KCTD6: variants seen among roughly 807,000 people sequenced by gnomAD.
KCTD6 encodes BTB/POZ domain-containing protein KCTD6.
KCTD6 carries 6 observed loss-of-function variants against 18.7 expected under a neutral mutation model. The observed-to-expected ratio is 0.32, with a 90% CI of 0.18 to 0.63. The LOEUF (loss-of-function observed/expected upper bound fraction) is 0.63, where lower values mean the gene tolerates loss of function less well. Ranked by LOEUF, KCTD6 falls within the 30% of genes least tolerant of loss-of-function variation. KCTD6 has a pLI of 0.79. For missense variants in KCTD6, 165 were observed against 300.2 expected (o/e 0.55, Z 3.33); for synonymous variants, 86 against 108.5 (o/e 0.79, Z 1.29).
rs1402584696 is a variant in KCTD6 at position 58,501,521 on chromosome 3, A to G, written c.603A>G (p.Gln201=). 2.0e-6 allele frequency: 3 copies of G among 1,495,942 alleles called. No individual in the cohort carries two copies. Among genetic ancestry groups the G allele is most frequent in the Non-Finnish European group, 1.8e-6 (2 of 1,125,150 alleles). 92.7% of individuals were successfully genotyped at this position (1,495,942 alleles called of 1,614,324 possible). A position where few individuals can be genotyped will look rare whatever the true frequency, so the allele number is the denominator to read the frequency against. Residue 201 remains glutamine, a synonymous_variant, in exon 3 of 3, where the codon CAA becomes CAG. Transcript: ENST00000404589. This position sits in a 1 kb window ranked among gnomAD's most constrained non-coding sequence, Gnocchi z 9.7. ...RVHLMEYITK[Q]GFTIRNTRVH... ...ACCTGATGGAATACATTACAAAACA[A>G]GGTTTCACGATCCGCAACACCCGGG... is the stretch of plus-strand genomic sequence containing the variant.
At chr3:58,499,507 A>G (rs1040053105) in intron 2 of KCTD6, among the ~76,000 whole-genome samples, 4 of 144,512 alleles carry the variant, frequency 2.8e-5, no homozygotes, top group African/African-American at 1.0e-4. Flanking sequence ...TTACTTGCCT[A>G]TACCTGAAGT....
rs1008806229 is a variant in KCTD6 at position 58,492,509 on chromosome 3, G to A, written c.-44+340G>A. Among the ~76,000 whole-genome samples, 2 of 152,124 alleles carry A rather than the reference G, an allele frequency of 1.3e-5. No individual in the cohort carries two copies. Among genetic ancestry groups the A allele is most frequent in the African/African-American group, 4.8e-5 (2 of 41,546 alleles). On this transcript the variant is annotated intron_variant, in intron 1 of 2. Coordinates refer to ENST00000404589, the MANE Select transcript of KCTD6 (RefSeq NM_001128214.2). The surrounding 1 kb of genome is among the most constrained non-coding windows in gnomAD (Gnocchi z 6.1). Reference sequence around the variant, plus strand: ...CCCCTGGCCGGGTCGGGTTGCGGGGGCTTCGCTGGCGGGGCAGCAGCGAAG... The same window carrying A: ...CCCCTGGCCGGGTCGGGTTGCGGGGACTTCGCTGGCGGGGCAGCAGCGAAG...
At chr3:58,495,169 A>G (rs573868914) in intron 1 of KCTD6, among the ~76,000 whole-genome samples, 2 of 152,336 alleles carry the variant, frequency 1.3e-5, no homozygotes, top group East Asian at 1.9e-4. Flanking sequence ...TTTCTGAAAT[A>G]TTAGATATTT....
At position 58,497,698 on chromosome 3, in the gene KCTD6, T is replaced by C. The variant is rs2063185329; in HGVS notation, c.-43-1015T>C. ...GCTGGCTGATTGACTCTCATCTATA[T>C]CGGTAAGGTTCTTTTTGCCCCAAAT... On this transcript the variant is annotated intron_variant, in intron 1 of 2. Coordinates refer to ENST00000404589, the MANE Select transcript of KCTD6 (RefSeq NM_001128214.2). This position sits in a 1 kb window ranked among gnomAD's most constrained non-coding sequence, Gnocchi z 4.2. 1 of 152,260 alleles carries C rather than the reference T, an allele frequency of 6.6e-6. No individual in the cohort carries two copies. Among genetic ancestry groups the C allele is most frequent in the African/African-American group, 2.4e-5 (1 of 41,466 alleles). 9.4% of individuals were successfully genotyped at this position (152,260 alleles called of 1,614,324 possible).
At chr3:58,500,890 G>C in intron 2 of KCTD6, 56 bp from the exon 3 acceptor site, 1 of 1,127,448 alleles carries the variant, frequency 8.9e-7, no homozygotes, top group Non-Finnish European at 1.3e-6. Flanking sequence ...TTCTTAATTT[G>C]TCAAAGTTAG....
Position 58,498,853 on chromosome 3 carries a change from T to G in KCTD6, c.27+71T>G. The stretch of plus-strand genomic sequence containing the variant: ...TTGTGTGTCTTTTTATCCTTATGTA[T>G]TTTTAGGTATATCTTATAAGAAAAG... On this transcript the variant is annotated intron_variant, in intron 2 of 2. Coordinates refer to ENST00000404589, the MANE Select transcript of KCTD6 (RefSeq NM_001128214.2). The surrounding 1 kb of genome is among the most constrained non-coding windows in gnomAD (Gnocchi z 4.6). 2 of 1,243,764 alleles carry G rather than the reference T, an allele frequency of 1.6e-6. No individual in the cohort carries two copies. Among genetic ancestry groups the G allele is most frequent in the Non-Finnish European group, 2.3e-6 (2 of 863,880 alleles). 77.0% of individuals were successfully genotyped at this position (1,243,764 alleles called of 1,614,324 possible).
chr3:58,499,158 C>T (rs576050279), intron 2 of KCTD6, among the ~76,000 whole-genome samples: 73 of 152,004 alleles, frequency 4.8e-4, no homozygotes, highest in Non-Finnish European at 8.8e-4. Context: ...TTAGTAGACA[C>T]GGGGTTTCAC....
In KCTD6 at chr3:58,493,337, T is replaced by C. The variant is rs762600169; in HGVS notation, c.-44+1168T>C. On this transcript the variant is annotated intron_variant, in intron 1 of 2. Transcript: ENST00000404589. This position sits in a 1 kb window ranked among gnomAD's most constrained non-coding sequence, Gnocchi z 4.5. ...CCATGGATGCCATTCCAAAGTTTTGTGATTTGAATTTTCATAAATCATATT... is the reference window on the plus strand; with the variant it reads ...CCATGGATGCCATTCCAAAGTTTTGCGATTTGAATTTTCATAAATCATATT... Among the ~76,000 whole-genome samples the C allele has an allele frequency of 6.6e-6, 1 of 152,264 alleles. No individual in the cohort carries two copies. Among genetic ancestry groups the C allele is most frequent in the African/African-American group, 2.4e-5 (1 of 41,476 alleles).
Position 58,492,842 on chromosome 3 carries a change from T to G in KCTD6, c.-44+673T>G, listed in dbSNP as rs1027405961. 6.6e-6 allele frequency among the ~76,000 whole-genome samples: 1 copy of G among 152,068 alleles called. No individual in the cohort carries two copies. Among genetic ancestry groups the G allele is most frequent in the African/African-American group, 2.4e-5 (1 of 41,420 alleles). On this transcript the variant is annotated intron_variant, in intron 1 of 2. Coordinates refer to ENST00000404589, the MANE Select transcript of KCTD6 (RefSeq NM_001128214.2). This position sits in a 1 kb window ranked among gnomAD's most constrained non-coding sequence, Gnocchi z 6.1. ...TGTGTCTGGGGGTGGGACGGGGAAATGAAACGTGACAGAGATCCTGTTTGG... is the reference window on the plus strand; with the variant it reads ...TGTGTCTGGGGGTGGGACGGGGAAAGGAAACGTGACAGAGATCCTGTTTGG...
At position 58,498,834 on chromosome 3, in the gene KCTD6, G is replaced by C. The variant is rs1162296743; in HGVS notation, c.27+52G>C. 6.8e-7 allele frequency: 1 copy of C among 1,466,570 alleles called. No individual in the cohort carries two copies. 90.8% of individuals were successfully genotyped at this position (1,466,570 alleles called of 1,614,324 possible). ...GAAGGCTGGGGAATTATTTTTGTGT[G>C]TCTTTTTATCCTTATGTATTTTTAG... On this transcript the variant is annotated intron_variant, in intron 2 of 2. Transcript: ENST00000404589. This position sits in a 1 kb window ranked among gnomAD's most constrained non-coding sequence, Gnocchi z 4.6.
rs544076008 is a variant in KCTD6 at position 58,492,726 on chromosome 3, T to G, written c.-44+557T>G. On this transcript the variant is annotated intron_variant, in intron 1 of 2. Coordinates refer to ENST00000404589, the MANE Select transcript of KCTD6 (RefSeq NM_001128214.2). The surrounding 1 kb of genome is among the most constrained non-coding windows in gnomAD (Gnocchi z 6.1). Reference sequence around the variant, plus strand: ...TATGCCTAGATTTGTGTGTGTGTGGTGGCGTTTTTAATGCTTGATGTCAGA... The same window carrying G: ...TATGCCTAGATTTGTGTGTGTGTGGGGGCGTTTTTAATGCTTGATGTCAGA... Among the ~76,000 whole-genome samples the G allele has an allele frequency of 5.1e-3, 782 of 152,206 alleles. 4 individuals carry two copies. The highest frequency in any genetic ancestry group is 0.018 in the African/African-American group (756 of 41,504).
At position 58,497,075 on chromosome 3, in the gene KCTD6, A is replaced by G. The variant is rs1288570565; in HGVS notation, c.-43-1638A>G. On this transcript the variant is annotated intron_variant, in intron 1 of 2. Transcript: ENST00000404589. The surrounding 1 kb of genome is among the most constrained non-coding windows in gnomAD (Gnocchi z 4.2). ...CAAGTCAGAGGAATGAAAGACTGTC[A>G]TAACAGTCTTGAATTTGACATTTGT... 2.0e-5 allele frequency among the ~76,000 whole-genome samples: 3 copies of G among 152,266 alleles called. No homozygotes were observed. The highest frequency in any genetic ancestry group is 6.5e-5 in the Admixed American group (1 of 15,288).
Position 58,501,591 on chromosome 3 carries a change from A to C in KCTD6, c.673A>C (p.Asn225His). 7.2e-7 allele frequency: 1 copy of C among 1,381,880 alleles called. No individual in the cohort carries two copies. The allele number at this position is 1,381,880 out of a possible 1,614,324, so 85.6% of individuals were successfully genotyped here. The change falls in exon 3 of 3, where the codon AAC (asparagine) becomes CAC (histidine). Residue 225 changes from asparagine (N) to histidine (H), a missense_variant. Around this residue, in one of 2 missense-constraint regions of KCTD6, gnomAD observed 106 missense variants for 230.4 expected, o/e 0.46. Coordinates refer to ENST00000404589, the MANE Select transcript of KCTD6 (RefSeq NM_001128214.2). This position sits in a 1 kb window ranked among gnomAD's most constrained non-coding sequence, Gnocchi z 9.7. ...GGCCAATGAAAACACAGTGGAGCACAACTGGACTTTCTGTAGGCTAGCCCG... is the reference window on the plus strand; with the variant it reads ...GGCCAATGAAAACACAGTGGAGCACCACTGGACTTTCTGTAGGCTAGCCCG... ...ERANENTVEH[N>H]WTFCRLARKT...
At position 58,492,563 on chromosome 3, in the gene KCTD6, T is replaced by A. The variant is rs968665944; in HGVS notation, c.-44+394T>A. Among the ~76,000 whole-genome samples, 1 of 152,030 alleles carries A rather than the reference T, an allele frequency of 6.6e-6. No homozygotes were observed. The highest frequency in any genetic ancestry group is 1.5e-5 in the Non-Finnish European group (1 of 67,948). On this transcript the variant is annotated intron_variant, in intron 1 of 2. Transcript: ENST00000404589. The surrounding 1 kb of genome is among the most constrained non-coding windows in gnomAD (Gnocchi z 6.1). Reference sequence around the variant, plus strand: ...GGCCCGGACGGAGATATTTGGGGTGTGCTCGAAAATGATTGTTTTTGGGAG... The same window carrying A: ...GGCCCGGACGGAGATATTTGGGGTGAGCTCGAAAATGATTGTTTTTGGGAG...
intron 1 of KCTD6, among the ~76,000 whole-genome samples, chr3:58,495,423 G>T (rs942269206): frequency 7.9e-5 from 12 of 152,104 alleles, no homozygotes; most frequent in African/African-American, 2.4e-4. Context: ...CATCTGCATC[G>T]TTTCAGAGAT....
At position 58,501,620 on chromosome 3, in the gene KCTD6, G is replaced by A; in HGVS notation, c.702G>A (p.Lys234=). The A allele has an allele frequency of 7.5e-7, 1 of 1,335,672 alleles. No individual in the cohort carries two copies. Among genetic ancestry groups the A allele is most frequent in the Non-Finnish European group, 9.7e-7 (1 of 1,035,854 alleles). The allele number at this position is 1,335,672 out of a possible 1,614,324, so 82.7% of individuals were successfully genotyped here. ...GGACTTTCTGTAGGCTAGCCCGGAA[G>A]ACAGACGACTGATCTCCGACCCTGC... ...HNWTFCRLAR[K]TDD The change falls in exon 3 of 3, where the codon AAG becomes AAA. Residue 234 remains lysine, a synonymous_variant. Transcript: ENST00000404589. This position sits in a 1 kb window ranked among gnomAD's most constrained non-coding sequence, Gnocchi z 9.7.
chr3:58,500,148 C>CT (rs1321398967), intron 2 of KCTD6, among the ~76,000 whole-genome samples: 2 of 151,458 alleles, frequency 1.3e-5, no homozygotes, highest in Non-Finnish European at 2.9e-5. Flanking sequence ...CAAAATCTCT[C>CT]TGTGTCGCCC....
Position 58,496,803 on chromosome 3 carries a change from C to T in KCTD6, c.-43-1910C>T, listed in dbSNP as rs565669828. ...GTGTCCGCATTGCACATAGGCACCC[C>T]CTCCACTCCATAGGTGACCCACAAT... On this transcript the variant is annotated intron_variant, in intron 1 of 2. Transcript: ENST00000404589. The surrounding 1 kb of genome is among the most constrained non-coding windows in gnomAD (Gnocchi z 5.1). Among the ~76,000 whole-genome samples, 21 of 152,302 alleles carry T rather than the reference C, an allele frequency of 1.4e-4. No homozygotes were observed. The highest frequency in any genetic ancestry group is 4.6e-4 in the African/African-American group (19 of 41,556).
intron 2 of KCTD6, among the ~76,000 whole-genome samples, chr3:58,499,183 T>G (rs1028699731): frequency 6.6e-6 from 1 of 152,242 alleles, no homozygotes; most frequent in African/African-American, 2.4e-5. Context: ...TTGGCCAGGC[T>G]GATCTCGAAC....
Sources: gnomAD v4.1 joint callset for allele counts (sites outside exome capture counted in the v4.1 genomes callset) on GRCh38, gnomAD v4.1.1 for gene constraint, gnomAD v4.1.1 regional missense constraint, Gnocchi (gnomAD v3.1) non-coding constraint, MANE v1.5 for transcripts, NCBI Gene and HGNC (gene_info 2026-07-23, HGNC 2026-07-21) for gene names.